The following MVK variants were observed in gnomAD, a reference collection of about 807,000 sequenced individuals.
MVK encodes LH receptor mRNA-binding protein.
MVK carries 34 observed loss-of-function variants against 43.2 expected under a neutral mutation model. The observed-to-expected ratio is 0.79, with a 90% CI of 0.60 to 1.05. MVK has a LOEUF of 1.05. Among genes scored for constraint, MVK ranks in the 50% least tolerant of loss-of-function variants. The pLI is 0.00. For synonymous variants in MVK, 190 were observed against 219.8 expected (o/e 0.86, Z 1.20); for missense variants, 395 against 504.0 (o/e 0.78, Z 2.07).
upstream of MVK, chr12:109,573,466 G>T: frequency 6.2e-7 from 1 of 1,605,036 alleles, no homozygotes. Context: ...GGCTCCCCAG[G>T]CCGCACACAG....
intron 3 of MVK, among the ~76,000 whole-genome samples, chr12:109,577,854 A>C (rs67381330): frequency 0.053 from 8,140 of 152,290 alleles, 299 homozygotes; most frequent in Non-Finnish European, 0.082. Flanking sequence ...ATCTGAAAAC[A>C]ACCAGCCAGA....
intron 7 of MVK, chr12:109,588,589 G>T (rs1435919170): frequency 6.6e-6 from 1 of 152,314 alleles, no homozygotes; most frequent in Non-Finnish European, 1.5e-5. Flanking sequence ...TTGCCAGCTG[G>T]TGCCCTCAGG....
chr12:109,574,446 TGA>T (rs1024331627), intron 1 of MVK, among the ~76,000 whole-genome samples: 1 of 152,234 alleles, frequency 6.6e-6, no homozygotes, highest in African/African-American at 2.4e-5. Flanking sequence ...AGTAATTGAA[TGA>T]TTAGTAGGTG....
chr12:109,586,278 A>G (rs927575998), intron 6 of MVK, among the ~76,000 whole-genome samples, 153 bp downstream of exon 6: 4 of 152,244 alleles, frequency 2.6e-5, no homozygotes, highest in Non-Finnish European at 5.9e-5. Flanking sequence ...AATGGGGAGA[A>G]ATCTTGGGGC....
At chr12:109,585,960 G>A in intron 5 of MVK, 62 bp from the exon 6 acceptor site, 2 of 1,404,318 alleles carry the variant, frequency 1.4e-6, no homozygotes, top group South Asian at 2.3e-5. Context: ...CACAGCCCCA[G>A]GTGACCCCTC....
At chr12:109,596,163 C>T (rs761915373) in intron 10 of MVK, among the ~76,000 whole-genome samples, 10 of 152,226 alleles carry the variant, frequency 6.6e-5, no homozygotes, top group Admixed American at 3.3e-4. Context: ...TGAGGCCACA[C>T]GGCCAGTACA....
chr12:109,582,486 G>A (rs1168233699), intron 5 of MVK, among the ~76,000 whole-genome samples: 1 of 152,094 alleles, frequency 6.6e-6, no homozygotes, highest in Non-Finnish European at 1.5e-5. Context: ...AAAGGTGGAG[G>A]GTGACTGTGT....
In MVK at chr12:109,597,906, TTG is replaced by T. The variant is rs1171200953; in HGVS notation, c.*1331_*1332del. The T allele has an allele frequency of 1.3e-5, 2 of 152,192 alleles. No homozygotes were observed. The highest frequency in any genetic ancestry group is 4.8e-5 in the African/African-American group (2 of 41,434). 9.4% of individuals were successfully genotyped at this position (152,192 alleles called of 1,614,324 possible). A position where few individuals can be genotyped will look rare whatever the true frequency, so the allele number is the denominator to read the frequency against. On this transcript the variant is annotated 3_prime_UTR_variant, in exon 11 of 11. Coordinates refer to ENST00000228510, the MANE Select transcript of MVK (RefSeq NM_000431.4). ...GGGCAGCTGGCGGCCTTCCCTGCTG[TTG>T]TCTTCCTGCAGGGTGAGAGGAGCAG...
chr12:109,574,818 G>A lies in MVK; in HGVS notation c.-5G>A. 1 of 1,597,486 alleles carries A rather than the reference G, an allele frequency of 6.3e-7. No homozygotes were observed. Among genetic ancestry groups the A allele is most frequent in the East Asian group, 2.2e-5 (1 of 44,580 alleles). On this transcript the variant is annotated 5_prime_UTR_variant, in exon 2 of 11. Coordinates refer to ENST00000228510, the MANE Select transcript of MVK (RefSeq NM_000431.4). ...TGGCTTTCCCTTTTAGGATTCCCAG[G>A]AGCCATGTTGTCAGAAGTCCTACTG... is the stretch of plus-strand genomic sequence containing the variant.
At chr12:109,590,164 C>T (rs72648027) in intron 7 of MVK, 25 of 177,726 alleles carry the variant, frequency 1.4e-4, no homozygotes, top group Admixed American at 5.4e-4. Flanking sequence ...ACTGCCCGCA[C>T]CAGCTAGCCT....
chr12:109,597,017 C>T lies in MVK; in HGVS notation c.*440C>T, dbSNP rs1386785101. On this transcript the variant is annotated 3_prime_UTR_variant, in exon 11 of 11. Transcript: ENST00000228510. ...TCTCTCAGGGCCAGGCCTCTCCCTC[C>T]TCCAGGAAGCCTTCCCCTACCCCTT... is the stretch of plus-strand genomic sequence containing the variant. 1.2e-5 allele frequency: 3 copies of T among 247,706 alleles called. No homozygotes were observed. The highest frequency in any genetic ancestry group is 2.4e-5 in the Non-Finnish European group (3 of 123,456). 15.3% of individuals were successfully genotyped at this position (247,706 alleles called of 1,614,324 possible). A position where few individuals can be genotyped will look rare whatever the true frequency, so the allele number is the denominator to read the frequency against.
intron 9 of MVK, among the ~76,000 whole-genome samples, chr12:109,594,104 G>A (rs986658243): frequency 1.3e-5 from 2 of 151,976 alleles, no homozygotes; most frequent in Non-Finnish European, 2.9e-5. Context: ...GACCAAAAAG[G>A]GGCAGAGCAG....
intron 5 of MVK, among the ~76,000 whole-genome samples, chr12:109,583,274 G>T (rs973224202): frequency 6.6e-6 from 1 of 151,730 alleles, no homozygotes; most frequent in African/African-American, 2.4e-5. Context: ...ACAGTCCCCA[G>T]AGTGTGATGT....
intron 5 of MVK, among the ~76,000 whole-genome samples, chr12:109,582,980 A>G (rs143512932): frequency 3.3e-5 from 5 of 152,232 alleles, no homozygotes; most frequent in Non-Finnish European, 7.4e-5. Flanking sequence ...GCCCCCAGCA[A>G]TTCAGCCCAT....
chr12:109,595,452 A>G lies in MVK; in HGVS notation c.1039+271A>G, dbSNP rs1044302633. Among the ~76,000 whole-genome samples the G allele has an allele frequency of 8.5e-5, 13 of 152,132 alleles. No individual in the cohort carries two copies. The highest frequency in any genetic ancestry group is 1.6e-4 in the Non-Finnish European group (11 of 68,018). ...CTGGGCTGTGGCTGGGGCTCCTGTCATCGGGGCTGTCCGCACAAGCTTGGG... is the reference window on the plus strand; with the variant it reads ...CTGGGCTGTGGCTGGGGCTCCTGTCGTCGGGGCTGTCCGCACAAGCTTGGG... On this transcript the variant is annotated intron_variant, in intron 10 of 10. Transcript: ENST00000228510. This position sits in a 1 kb window ranked among gnomAD's most constrained non-coding sequence, Gnocchi z 5.9.
chr12:109,573,426 GCA>G, upstream of MVK: 19 of 1,607,470 alleles, frequency 1.2e-5, no homozygotes, highest in Non-Finnish European at 1.6e-5. Flanking sequence ...AAGCACCCGC[GCA>G]GGCCAAGACG....
chr12:109,584,005 G>C (rs2136232855), intron 5 of MVK, among the ~76,000 whole-genome samples: 1 of 152,322 alleles, frequency 6.6e-6, no homozygotes, highest in East Asian at 1.9e-4. Flanking sequence ...AAGAGCTTGG[G>C]CTCCAAGTCA....
At position 109,595,690 on chromosome 12, in the gene MVK, C is replaced by A. The variant is rs945444986; in HGVS notation, c.1039+509C>A. Among the ~76,000 whole-genome samples the A allele has an allele frequency of 6.6e-6, 1 of 152,200 alleles. No homozygotes were observed. The highest frequency in any genetic ancestry group is 2.1e-4 in the South Asian group (1 of 4,832). On this transcript the variant is annotated intron_variant, in intron 10 of 10. Transcript: ENST00000228510. The surrounding 1 kb of genome is among the most constrained non-coding windows in gnomAD (Gnocchi z 5.9). The stretch of plus-strand genomic sequence containing the variant: ...GGGGCTTCTGCTAGTGTTTAACCAC[C>A]TGACACCTACCTCTGCCCTCAGGCT...
upstream of MVK, chr12:109,573,763 G>A: frequency 2.0e-6 from 1 of 494,272 alleles, no homozygotes. Context: ...CTGGCCTGAA[G>A]TACAACGCCT....
Sources: allele counts gnomAD v4.1 joint callset (sites outside exome capture counted in the v4.1 genomes callset), GRCh38; gene constraint gnomAD v4.1.1; non-coding constraint Gnocchi (gnomAD v3.1); transcripts MANE v1.5; gene names NCBI Gene and HGNC (gene_info 2026-07-23, HGNC 2026-07-21).